Variants in TMEM163 observed in about 807,000 individuals in gnomAD.
The protein encoded by TMEM163 is transmembrane protein 163.
A neutral mutation model predicts 29.3 loss-of-function variants in TMEM163; 17 were observed. The observed-to-expected ratio is 0.58, with a 90% CI of 0.40 to 0.87. The LOEUF (loss-of-function observed/expected upper bound fraction) is 0.87. Among genes scored for constraint, TMEM163 ranks in the 40% least tolerant of loss-of-function variants. The probability of loss-of-function intolerance (pLI) is 0.00; values close to 1 mark genes in which losing one functional copy is unlikely to be tolerated. For missense variants in TMEM163, 303 were observed against 381.5 expected (o/e 0.79, Z 1.71); for synonymous variants, 157 against 160.6 (o/e 0.98, Z 0.17).
At chr2:134,703,846 T>TAA (rs370393554) in intron 2 of TMEM163, among the ~76,000 whole-genome samples, 169 of 134,580 alleles carry the variant, frequency 1.3e-3, no homozygotes, top group African/African-American at 3.1e-3. Context: ...TGTTAGAAAG[T>TAA]AAAAAAAAAA....
chr2:134,583,590 GA>G (rs1681745303), intron 2 of TMEM163, among the ~76,000 whole-genome samples: 1 of 152,174 alleles, frequency 6.6e-6, no homozygotes. Flanking sequence ...GGCCAATAAC[GA>G]AACTGAAGGC....
intron 2 of TMEM163, among the ~76,000 whole-genome samples, chr2:134,706,755 A>G (rs1200715520): frequency 6.6e-6 from 1 of 152,134 alleles, no homozygotes; most frequent in Non-Finnish European, 1.5e-5. Context: ...GCTGCAGTAC[A>G]TGGGGATGGG....
intron 2 of TMEM163, among the ~76,000 whole-genome samples, chr2:134,698,165 G>T (rs1684620861): frequency 1.3e-5 from 2 of 152,226 alleles, no homozygotes. Flanking sequence ...GTAGATACCA[G>T]TAGCACCTCC....
chr2:134,560,251 T>C (rs546117510), intron 2 of TMEM163, among the ~76,000 whole-genome samples: 1 of 152,324 alleles, frequency 6.6e-6, no homozygotes, highest in African/African-American at 2.4e-5. Context: ...TGTACTTATG[T>C]AGGTTTCATC....
intron 2 of TMEM163, among the ~76,000 whole-genome samples, chr2:134,668,341 G>A (rs1037447628): frequency 6.6e-6 from 1 of 152,076 alleles, no homozygotes; most frequent in African/African-American, 2.4e-5. Context: ...GGGCTGGAAG[G>A]GGAAGGACGG....
chr2:134,566,871 T>C (rs1681310902), intron 2 of TMEM163, among the ~76,000 whole-genome samples: 2 of 152,156 alleles, frequency 1.3e-5, no homozygotes, highest in African/African-American at 4.8e-5. Flanking sequence ...CCATAAGATA[T>C]CATTAAGCTC....
intron 2 of TMEM163, among the ~76,000 whole-genome samples, chr2:134,642,524 C>G (rs1683243680): frequency 6.6e-6 from 1 of 152,110 alleles, no homozygotes; most frequent in Non-Finnish European, 1.5e-5. Flanking sequence ...AAGAATGGAA[C>G]AACACCAGTA....
At chr2:134,568,305 A>T (rs900114102) in intron 2 of TMEM163, among the ~76,000 whole-genome samples, 1 of 152,180 alleles carries the variant, frequency 6.6e-6, no homozygotes, top group Non-Finnish European at 1.5e-5. Flanking sequence ...CAGGCAGGTC[A>T]CTTGAGGTCA....
chr2:134,613,891 G>C (rs991099218), intron 2 of TMEM163, among the ~76,000 whole-genome samples: 1 of 152,064 alleles, frequency 6.6e-6, no homozygotes, highest in Non-Finnish European at 1.5e-5. Context: ...CACAGTAAAG[G>C]TGTCAATTTT....
intron 4 of TMEM163, among the ~76,000 whole-genome samples, chr2:134,536,938 T>C (rs552078370): frequency 6.6e-6 from 1 of 152,312 alleles, no homozygotes; most frequent in South Asian, 2.1e-4. Context: ...AGTATCAACA[T>C]AGCCAAAGAA....
chr2:134,695,145 C>T (rs1475195078), intron 2 of TMEM163, among the ~76,000 whole-genome samples: 3 of 152,120 alleles, frequency 2.0e-5, no homozygotes, highest in Non-Finnish European at 2.9e-5. Context: ...GGTTCAATCT[C>T]GGCTCACTGC....
At chr2:134,644,460 A>G (rs1683291130) in intron 2 of TMEM163, among the ~76,000 whole-genome samples, 1 of 152,182 alleles carries the variant, frequency 6.6e-6, no homozygotes, top group Non-Finnish European at 1.5e-5. Context: ...ATATGGCCAT[A>G]TGATTCCTTT....
chr2:134,718,529 GGGAA>G (rs1685088051), intron 1 of TMEM163, among the ~76,000 whole-genome samples: 1 of 152,204 alleles, frequency 6.6e-6, no homozygotes, highest in African/African-American at 2.4e-5. Flanking sequence ...TGGGCTTCGA[GGGAA>G]GGAACCGCAG....
intron 1 of TMEM163, among the ~76,000 whole-genome samples, chr2:134,714,726 T>A (rs1350599105): frequency 6.6e-6 from 1 of 152,202 alleles, no homozygotes; most frequent in African/African-American, 2.4e-5. Context: ...ATAAACACCA[T>A]CACCATCCTC....
At chr2:134,572,745 A>T (rs1681461900) in intron 2 of TMEM163, among the ~76,000 whole-genome samples, 1 of 152,174 alleles carries the variant, frequency 6.6e-6, no homozygotes, top group African/African-American at 2.4e-5. Context: ...CTGTGTGCTT[A>T]TTATAAACCC....
At chr2:134,551,974 G>A (rs1384190139) in intron 3 of TMEM163, 74 bp downstream of exon 3, 1 of 1,217,434 alleles carries the variant, frequency 8.2e-7, no homozygotes, top group South Asian at 1.3e-5. Context: ...CCTCATTTGA[G>A]GGCTCAGGGT....
chr2:134,673,295 C>T (rs1174524571), intron 2 of TMEM163, among the ~76,000 whole-genome samples: 1 of 152,166 alleles, frequency 6.6e-6, no homozygotes, highest in Admixed American at 6.5e-5. Context: ...TCATTTTTGG[C>T]TGCCTCCCAC....
At chr2:134,565,394 T>A (rs1031805406) in intron 2 of TMEM163, among the ~76,000 whole-genome samples, 2 of 150,442 alleles carry the variant, frequency 1.3e-5, no homozygotes, top group African/African-American at 2.4e-5. Context: ...TCACCTGAGG[T>A]CAGGAGTTCG....
At chr2:134,679,436 G>T (rs1251526017) in intron 2 of TMEM163, among the ~76,000 whole-genome samples, 3 of 152,060 alleles carry the variant, frequency 2.0e-5, no homozygotes, top group Non-Finnish European at 4.4e-5. Flanking sequence ...ACAGATATAT[G>T]TCATGGCCTT....
Sources: allele counts gnomAD v4.1 joint callset (sites outside exome capture counted in the v4.1 genomes callset), GRCh38; gene constraint gnomAD v4.1.1; transcripts MANE v1.5; gene names NCBI Gene and HGNC (gene_info 2026-07-23, HGNC 2026-07-21).